Variants in STIM1 observed in about 807,000 individuals in gnomAD.
The protein encoded by STIM1 is stromal interaction molecule 1.
A neutral mutation model predicts 74.7 loss-of-function variants in STIM1; 25 were observed. The ratio of observed to expected loss-of-function variants is 0.33; its 90% CI spans 0.24 to 0.47. The LOEUF (loss-of-function observed/expected upper bound fraction) is 0.47, where lower values mean the gene tolerates loss of function less well. STIM1 is among the 20% of genes least tolerant of loss of function. The probability of loss-of-function intolerance (pLI) is 1.00; values close to 1 mark genes in which losing one functional copy is unlikely to be tolerated. For missense variants in STIM1, 728 were observed against 920.8 expected, an observed-to-expected ratio of 0.79 and a Z score of 2.71; for synonymous variants, 328 against 348.8, an observed-to-expected ratio of 0.94 and a Z score of 0.66.
chr11:4,045,762 C>CTT (rs35939527), intron 3 of STIM1, among the ~76,000 whole-genome samples: 1,835 of 104,460 alleles, frequency 0.018, 76 homozygotes, highest in South Asian at 0.036. Context: ...CTCAACACTT[C>CTT]TTTTTTTTTT....
In STIM1 at chr11:4,089,179, C is replaced by T. The variant is rs538529521; in HGVS notation, c.1635-2103C>T. The stretch of plus-strand genomic sequence containing the variant: ...TCAAGGCTGCAGTGAGCCGAGATCG[C>T]GCCATTGCACTCCAGCCTGGGCAAC... On this transcript the variant is annotated intron_variant, in intron 12 of 12. Transcript: ENST00000526596. 3.4e-4 allele frequency: 65 copies of T among 192,964 alleles called. No individual in the cohort carries two copies. The Middle Eastern group carries it at 0.012, about 34-fold the overall frequency. The allele number at this position is 192,964 out of a possible 1,614,324, so 12.0% of individuals were successfully genotyped here. A position where few individuals can be genotyped will look rare whatever the true frequency, so the allele number is the denominator to read the frequency against.
At chr11:4,019,764 T>C (rs1403835660) in intron 2 of STIM1, among the ~76,000 whole-genome samples, 1 of 152,234 alleles carries the variant, frequency 6.6e-6, no homozygotes, top group Non-Finnish European at 1.5e-5. Flanking sequence ...AGTATATCTG[T>C]CATCTCAAAC....
intron 1 of STIM1, among the ~76,000 whole-genome samples, chr11:3,918,541 A>AAG (rs1554957008): frequency 6.8e-6 from 1 of 146,378 alleles, no homozygotes; most frequent in African/African-American, 2.6e-5. Flanking sequence ...CTCAAAAAAA[A>AAG]AAAGAAAGAA....
At chr11:3,864,819 T>G (rs969832503) in intron 1 of STIM1, among the ~76,000 whole-genome samples, 1 of 152,222 alleles carries the variant, frequency 6.6e-6, no homozygotes, top group African/African-American at 2.4e-5. Context: ...CTTTTAGTTT[T>G]TCTTTGACTT....
At chr11:3,930,975 T>C (rs2092852722) in intron 1 of STIM1, among the ~76,000 whole-genome samples, 1 of 152,186 alleles carries the variant, frequency 6.6e-6, no homozygotes, top group Admixed American at 6.5e-5. Flanking sequence ...ATCAGAATAA[T>C]GAACAAGATA....
chr11:3,991,592 T>C (rs935712453), intron 2 of STIM1, among the ~76,000 whole-genome samples: 1 of 152,138 alleles, frequency 6.6e-6, no homozygotes, highest in African/African-American at 2.4e-5. Flanking sequence ...CCTTTGGGTA[T>C]GTATACAGTA....
intron 2 of STIM1, among the ~76,000 whole-genome samples, chr11:4,014,462 A>C (rs1447020094): frequency 6.6e-6 from 1 of 152,176 alleles, no homozygotes; most frequent in African/African-American, 2.4e-5. Flanking sequence ...CGAGTATTTT[A>C]CTTCCAAGTA....
rs74807718 is a variant in STIM1 at position 3,875,123 on chromosome 11, A to T, written c.139+18714A>T. On this transcript the variant is annotated intron_variant, in intron 1 of 12. Transcript: ENST00000526596. Reference sequence around the variant, plus strand: ...CCTCAGCTTCGTCTTGGTTGCTGGAATATGCCTGTTGACCATGGTGCTTGG... The same window carrying T: ...CCTCAGCTTCGTCTTGGTTGCTGGATTATGCCTGTTGACCATGGTGCTTGG... Among the ~76,000 whole-genome samples the T allele has an allele frequency of 5.9e-4, 90 of 152,202 alleles. 1 individual carries two copies. The East Asian group carries it at 0.014, about 24-fold the overall frequency.
chr11:3,884,371 A>G (rs1380103358), intron 1 of STIM1, among the ~76,000 whole-genome samples: 3 of 152,150 alleles, frequency 2.0e-5, no homozygotes, highest in Non-Finnish European at 4.4e-5. Context: ...CCCTTTCCCA[A>G]GTTGAGAGGA....
At chr11:3,904,736 G>A (rs914591616) in intron 1 of STIM1, among the ~76,000 whole-genome samples, 1 of 152,120 alleles carries the variant, frequency 6.6e-6, no homozygotes, top group Non-Finnish European at 1.5e-5. Context: ...AGGTGACTGG[G>A]CATTACTGTG....
At chr11:4,037,861 T>C (rs1346027938) in intron 3 of STIM1, among the ~76,000 whole-genome samples, 1 of 152,194 alleles carries the variant, frequency 6.6e-6, no homozygotes, top group African/African-American at 2.4e-5. Flanking sequence ...TGCTATTTGT[T>C]TTCCGTTTGT....
At chr11:3,866,429 CTTTT>C (rs375183049) in intron 1 of STIM1, among the ~76,000 whole-genome samples, 1 of 136,774 alleles carries the variant, frequency 7.3e-6, no homozygotes. Flanking sequence ...CTTGCTATGT[CTTTT>C]TTTTTTTTTT....
At chr11:3,987,804 G>GACAC (rs55772228) in intron 2 of STIM1, among the ~76,000 whole-genome samples, 2,385 of 145,362 alleles carry the variant, frequency 0.016, 35 homozygotes, top group South Asian at 0.055. Context: ...TGTCCTTAAG[G>GACAC]ACACACACAC....
chr11:3,961,273 C>T (rs1029954243), intron 1 of STIM1: 1 of 225,500 alleles, frequency 4.4e-6, no homozygotes, highest in Non-Finnish European at 9.5e-6. Context: ...TAGTGAGCCA[C>T]TGTACCTGGC....
chr11:4,087,327 G>C (rs1333991539), intron 12 of STIM1, among the ~76,000 whole-genome samples: 1 of 152,226 alleles, frequency 6.6e-6, no homozygotes, highest in African/African-American at 2.4e-5. Flanking sequence ...CTATGGGGGT[G>C]TTGAGGAAGG....
chr11:3,878,007 G>A (rs905727020), intron 1 of STIM1, among the ~76,000 whole-genome samples: 5 of 152,224 alleles, frequency 3.3e-5, no homozygotes, highest in Non-Finnish European at 5.9e-5. Context: ...CACTAGGCGA[G>A]AAGTGAGTAA....
intron 12 of STIM1, 159 bp downstream of exon 12, chr11:4,086,702 T>C (rs2094495624): frequency 6.5e-7 from 1 of 1,539,184 alleles, no homozygotes; most frequent in Non-Finnish European, 8.7e-7. Context: ...ATCACCACCA[T>C]CACCACTACC....
chr11:3,881,220 C>T (rs2091487943), intron 1 of STIM1, among the ~76,000 whole-genome samples: 1 of 151,890 alleles, frequency 6.6e-6, no homozygotes, highest in African/African-American at 2.4e-5. Context: ...GAAATCCATA[C>T]CTGTTAAGCA....
chr11:3,984,981 T>C (rs1403911703), intron 2 of STIM1, among the ~76,000 whole-genome samples: 1 of 152,120 alleles, frequency 6.6e-6, no homozygotes, highest in Non-Finnish European at 1.5e-5. Context: ...GAAGCCATAT[T>C]GTCAGCCAGC....
Sources: gnomAD v4.1 joint callset for allele counts (sites outside exome capture counted in the v4.1 genomes callset) on GRCh38, gnomAD v4.1.1 for gene constraint, MANE v1.5 for transcripts, NCBI Gene and HGNC (gene_info 2026-07-23, HGNC 2026-07-21) for gene names.